Variants in ARHGAP12 observed in about 807,000 individuals in gnomAD.
The protein encoded by ARHGAP12 is Rho GTPase activating protein 12.
A neutral mutation model predicts 108.6 loss-of-function variants in ARHGAP12; 64 were observed. The ratio of observed to expected loss-of-function variants is 0.59; its 90% confidence interval spans 0.48 to 0.73. The LOEUF (loss-of-function observed/expected upper bound fraction) is 0.73. ARHGAP12 is among the 30% of genes least tolerant of loss of function. ARHGAP12 has a pLI of 0.00. For synonymous variants in ARHGAP12, 312 were observed against 337.2 expected (o/e 0.93, Z 0.82); for missense variants, 940 against 1,005.9 (o/e 0.93, Z 0.89).
intron 4 of ARHGAP12, among the ~76,000 whole-genome samples, chr10:31,856,875 T>C (rs377395350): frequency 9.6e-4 from 146 of 152,102 alleles, no homozygotes; most frequent in African/African-American, 3.3e-3. Flanking sequence ...AACAAATAAA[T>C]GCAACATATA....
intron 6 of ARHGAP12, among the ~76,000 whole-genome samples, chr10:31,847,540 T>C (rs548445506): frequency 6.6e-6 from 1 of 152,206 alleles, no homozygotes; most frequent in African/African-American, 2.4e-5. Flanking sequence ...TTTTCATGCA[T>C]AGGCCACTGG....
In ARHGAP12 at chr10:31,909,918, GA is replaced by G. The variant is rs535199577; in HGVS notation, c.-72+606del. Among the ~76,000 whole-genome samples the G allele has an allele frequency of 1.9e-3, 292 of 152,080 alleles. 2 individuals carry two copies. Among genetic ancestry groups the G allele is most frequent in the African/African-American group, 6.9e-3 (287 of 41,502 alleles). ...CTCAAAATAAAAAGAAAAAAAGGAG[GA>G]GATTTACAGAGAGGAAAGCTACAGA... On this transcript the variant is annotated intron_variant, in intron 2 of 19. Transcript: ENST00000344936.
At chr10:31,909,301 A>C (rs536388640) in intron 2 of ARHGAP12, among the ~76,000 whole-genome samples, 151 of 152,296 alleles carry the variant, frequency 9.9e-4, no homozygotes, top group African/African-American at 3.3e-3. Flanking sequence ...CATTTCTATA[A>C]CAATTCCAAA....
intron 9 of ARHGAP12, among the ~76,000 whole-genome samples, chr10:31,835,366 T>C (rs1835979802): frequency 6.6e-6 from 1 of 152,162 alleles, no homozygotes. Context: ...TACAAACTTA[T>C]ACATGAATAT....
intron 3 of ARHGAP12, among the ~76,000 whole-genome samples, chr10:31,903,616 A>G (rs1261199933): frequency 6.6e-6 from 1 of 152,218 alleles, no homozygotes; most frequent in African/African-American, 2.4e-5. Context: ...AGACTTCACC[A>G]AAGTTAAAAA....
intron 18 of ARHGAP12, 52 bp downstream of exon 18, chr10:31,808,942 G>A: frequency 1.3e-6 from 2 of 1,510,276 alleles, no homozygotes; most frequent in Non-Finnish European, 9.0e-7. Context: ...GGCTTAATCT[G>A]TGCAAAGAAT....
intron 1 of ARHGAP12, among the ~76,000 whole-genome samples, chr10:31,915,668 T>C (rs557165853): frequency 6.6e-6 from 1 of 152,210 alleles, no homozygotes; most frequent in African/African-American, 2.4e-5. Flanking sequence ...CCACTACGTA[T>C]ATATACTTCA....
At chr10:31,871,458 G>A (rs186126369) in intron 3 of ARHGAP12, among the ~76,000 whole-genome samples, 51 of 152,092 alleles carry the variant, frequency 3.4e-4, no homozygotes, top group Middle Eastern at 3.4e-3. Flanking sequence ...CTTACGGCTT[G>A]CTTCTGTCCT....
In ARHGAP12 at chr10:31,911,982, T is replaced by C. The variant is rs1017587550; in HGVS notation, c.-110-1419A>G. ...TACCTCAAACTTATCATAACCAAAATGTATTCCCATCTCTACCCTACCCGA... is the reference window on the plus strand; with the variant it reads ...TACCTCAAACTTATCATAACCAAAACGTATTCCCATCTCTACCCTACCCGA... On this transcript the variant is annotated intron_variant, in intron 1 of 19. Coordinates refer to ENST00000344936, the MANE Select transcript of ARHGAP12 (RefSeq NM_018287.7). 2.0e-5 allele frequency among the ~76,000 whole-genome samples: 3 copies of C among 152,294 alleles called. No individual in the cohort carries two copies. The East Asian group carries it at 5.8e-4, about 29-fold the overall frequency.
At chr10:31,916,459 A>T (rs1839561496) in intron 1 of ARHGAP12, among the ~76,000 whole-genome samples, 1 of 152,152 alleles carries the variant, frequency 6.6e-6, no homozygotes, top group African/African-American at 2.4e-5. Context: ...GCCAATTTTT[A>T]AAATTTTCTT....
At chr10:31,836,144 A>G (rs1836007750) in intron 9 of ARHGAP12, among the ~76,000 whole-genome samples, 1 of 152,218 alleles carries the variant, frequency 6.6e-6, no homozygotes, top group African/African-American at 2.4e-5. Flanking sequence ...TTAATACTTC[A>G]AATCATTAAA....
chr10:31,831,172 G>A (rs181635864), intron 10 of ARHGAP12, among the ~76,000 whole-genome samples: 367 of 152,116 alleles, frequency 2.4e-3, no homozygotes, highest in Middle Eastern at 3.4e-3. Context: ...TAAATAATGG[G>A]GAAATAAACT....
chr10:31,902,824 T>C (rs1244573072), intron 3 of ARHGAP12, among the ~76,000 whole-genome samples: 4 of 152,214 alleles, frequency 2.6e-5, no homozygotes, highest in Non-Finnish European at 4.4e-5. Flanking sequence ...CTCAGATATT[T>C]CCATTATTCT....
In ARHGAP12 at chr10:31,862,340, G is replaced by GT. The variant is rs1180581478; in HGVS notation, c.685-683dup. On this transcript the variant is annotated intron_variant, in intron 3 of 19. Transcript: ENST00000344936. ...AACAGTAGAAAAGTAAGAATTAGTAGTAACTCTGATTTACATGTTTAATGT... is the reference window on the plus strand; with the variant it reads ...AACAGTAGAAAAGTAAGAATTAGTAGTTAACTCTGATTTACATGTTTAATGT... Among the ~76,000 whole-genome samples, 6 of 152,218 alleles carry GT rather than the reference G, an allele frequency of 3.9e-5. No homozygotes were observed. The South Asian group carries it at 1.0e-3, about 26-fold the overall frequency.
rs1051682444 is a variant in ARHGAP12, at chr10:31,918,264, C to T, written c.-110-7701G>A. Among the ~76,000 whole-genome samples, 5 of 150,262 alleles carry T rather than the reference C, an allele frequency of 3.3e-5. No individual in the cohort carries two copies. In the South Asian group the frequency reaches 6.4e-4, roughly 19 times the overall value. On this transcript the variant is annotated intron_variant, in intron 1 of 19. Transcript: ENST00000344936. ...AAATTAAGGAGCATCTGTATATAAG[C>T]GGCCAGTAAGAACCTGCAAAGATGC...
rs1839853940 is a variant in ARHGAP12, at chr10:31,922,200, AAAAAAAAAAAAAAAAAAAGC to A, written c.-111+6463_-111+6482del. 9.4e-5 allele frequency among the ~76,000 whole-genome samples: 4 copies of A among 42,646 alleles called. No homozygotes were observed. In the Admixed American group the frequency reaches 1.1e-3, roughly 12 times the overall value. 28.0% of individuals were successfully genotyped at this position (42,646 alleles called of 152,430 possible). A position where few individuals can be genotyped will look rare whatever the true frequency, so the allele number is the denominator to read the frequency against. Reference sequence around the variant, plus strand: ...TGCCTCAAAAAAAAAAAAAAAAAAAAAAAAAAAAAAAAAAAAAAGCACAGATCAGTAAAACTGACAATCCT... The same window carrying A: ...TGCCTCAAAAAAAAAAAAAAAAAAAAACAGATCAGTAAAACTGACAATCCT... On this transcript the variant is annotated intron_variant, in intron 1 of 19. Coordinates refer to ENST00000344936, the MANE Select transcript of ARHGAP12 (RefSeq NM_018287.7).
At chr10:31,869,895 T>G (rs574479639) in intron 3 of ARHGAP12, among the ~76,000 whole-genome samples, 1 of 152,314 alleles carries the variant, frequency 6.6e-6, no homozygotes, top group South Asian at 2.1e-4. Context: ...AATAAACTTC[T>G]GAGAATGGCA....
Position 31,822,624 on chromosome 10 carries a change from T to C in ARHGAP12, c.1531-2136A>G, listed in dbSNP as rs978820461. Among the ~76,000 whole-genome samples the C allele has an allele frequency of 2.0e-5, 3 of 152,172 alleles. No individual in the cohort carries two copies. The East Asian group carries it at 5.8e-4, about 29-fold the overall frequency. ...ATCTTAAACAGACTTGTGTTAGCCA[T>C]TGGGAGGAATCATGTCAGGCCCTTT... is the stretch of plus-strand genomic sequence containing the variant. On this transcript the variant is annotated intron_variant, in intron 11 of 19. Coordinates refer to ENST00000344936, the MANE Select transcript of ARHGAP12 (RefSeq NM_018287.7).
intron 3 of ARHGAP12, among the ~76,000 whole-genome samples, chr10:31,898,586 C>T (rs1029344377): frequency 3.3e-5 from 5 of 152,156 alleles, no homozygotes; most frequent in Admixed American, 6.5e-5. Flanking sequence ...TGCTGAATAA[C>T]GTTTCAGTAA....
Sources: allele counts gnomAD v4.1 joint callset (sites outside exome capture counted in the v4.1 genomes callset), GRCh38; gene constraint gnomAD v4.1.1; transcripts MANE v1.5; gene names NCBI Gene and HGNC (gene_info 2026-07-23, HGNC 2026-07-21).